The following SCHIP1 variants were observed in gnomAD, a reference collection of about 807,000 sequenced individuals.
SCHIP1 encodes schwannomin-interacting protein 1.
In SCHIP1, 8 loss-of-function variants were observed where a neutral mutation model predicts 29.7. The ratio of observed to expected loss-of-function variants is 0.27; its 90% CI spans 0.16 to 0.49. The LOEUF (loss-of-function observed/expected upper bound fraction) is 0.49, where lower values mean the gene tolerates loss of function less well. Ranked by LOEUF, SCHIP1 falls within the 20% of genes least tolerant of loss-of-function variation. SCHIP1 has a pLI of 0.99. For missense variants in SCHIP1, 193 were observed against 294.6 expected (o/e 0.66, Z 2.52); for synonymous variants, 76 against 94.9 (o/e 0.80, Z 1.16).
the SCHIP1 span, among the ~76,000 whole-genome samples, chr3:159,714,022 A>G: frequency 6.6e-6 from 1 of 152,166 alleles, no homozygotes; most frequent in South Asian, 2.1e-4. Flanking sequence ...GGATCACTTG[A>G]GGTCAGGAGT....
chr3:159,416,892 G>T, the SCHIP1 span, among the ~76,000 whole-genome samples: 1 of 152,152 alleles, frequency 6.6e-6, no homozygotes, highest in African/African-American at 2.4e-5. Context: ...TTTGTGTGTG[G>T]TTAGTTCTGT....
At chr3:159,736,853 G>A in the SCHIP1 span, among the ~76,000 whole-genome samples, 1 of 151,890 alleles carries the variant, frequency 6.6e-6, no homozygotes, top group Non-Finnish European at 1.5e-5. Flanking sequence ...TCCTGCCTCA[G>A]TCTCCTGAGT....
At chr3:159,764,081 G>A in the SCHIP1 span, 1 of 205,632 alleles carries the variant, frequency 4.9e-6, no homozygotes, top group Non-Finnish European at 9.7e-6. This position sits in a 1 kb window ranked among gnomAD's most constrained non-coding sequence, Gnocchi z 6.1. Flanking sequence ...CTGGGAAAGT[G>A]TCTGGTTCTC....
At chr3:159,404,522 G>A in the SCHIP1 span, among the ~76,000 whole-genome samples, 1 of 152,270 alleles carries the variant, frequency 6.6e-6, no homozygotes, top group East Asian at 1.9e-4. Flanking sequence ...GTGTGGGGTG[G>A]TGGTGGCCAT....
chr3:159,886,419 C>A, intron 3 of SCHIP1, 95 bp downstream of exon 4: 1 of 1,166,482 alleles, frequency 8.6e-7, no homozygotes, highest in South Asian at 1.5e-5. Context: ...ACAAACATTT[C>A]AGAGATTAAA....
chr3:159,440,085 G>T, the SCHIP1 span, among the ~76,000 whole-genome samples: 31 of 152,222 alleles, frequency 2.0e-4, no homozygotes, highest in East Asian at 5.8e-3. Context: ...TGCATATGGT[G>T]TAAGGAAGGG....
chr3:159,677,900 A>T, the SCHIP1 span, among the ~76,000 whole-genome samples: 1 of 152,164 alleles, frequency 6.6e-6, no homozygotes, highest in Admixed American at 6.5e-5. Flanking sequence ...CAGTGGTGCC[A>T]TCATAGCTCA....
chr3:159,511,342 C>T, the SCHIP1 span, among the ~76,000 whole-genome samples: 1 of 152,186 alleles, frequency 6.6e-6, no homozygotes, highest in African/African-American at 2.4e-5. Flanking sequence ...GTGGGAGTGA[C>T]CGGATTTTCC....
intron 1 of SCHIP1, among the ~76,000 whole-genome samples, chr3:159,850,108 G>A (rs1448198162): frequency 1.3e-5 from 2 of 152,200 alleles, no homozygotes; most frequent in Admixed American, 6.5e-5. Flanking sequence ...TGACATCAGT[G>A]AAGTAGCTTC....
the SCHIP1 span, among the ~76,000 whole-genome samples, chr3:159,736,676 C>T: frequency 6.6e-6 from 1 of 151,952 alleles, no homozygotes; most frequent in East Asian, 1.9e-4. Context: ...TGCATGCCTG[C>T]ACCGGGGCTG....
chr3:159,661,508 C>T, the SCHIP1 span, among the ~76,000 whole-genome samples: 10 of 152,156 alleles, frequency 6.6e-5, no homozygotes, highest in African/African-American at 1.9e-4. Flanking sequence ...CCACTAATAT[C>T]GTGCAACATA....
chr3:159,509,580 T>G, the SCHIP1 span, among the ~76,000 whole-genome samples: 1 of 152,350 alleles, frequency 6.6e-6, no homozygotes, highest in South Asian at 2.1e-4. Context: ...CTTTACAATT[T>G]GGCATGTTTT....
chr3:159,841,600 T>A (rs1181581638), intron 1 of SCHIP1, among the ~76,000 whole-genome samples: 1 of 152,220 alleles, frequency 6.6e-6, no homozygotes, highest in Non-Finnish European at 1.5e-5. Context: ...GGCAAACTAC[T>A]ATAAGATTAT....
At chr3:159,311,443 A>T in the SCHIP1 span, among the ~76,000 whole-genome samples, 39 of 152,276 alleles carry the variant, frequency 2.6e-4, no homozygotes, top group East Asian at 7.1e-3. Flanking sequence ...TGTGATCCAG[A>T]TCATTTTTCC....
At chr3:159,547,284 A>G in the SCHIP1 span, among the ~76,000 whole-genome samples, 23 of 151,702 alleles carry the variant, frequency 1.5e-4, no homozygotes, top group African/African-American at 3.6e-4. Flanking sequence ...CTTCTTGTAA[A>G]TTTAAGTTCC....
At chr3:159,626,085 C>CA in the SCHIP1 span, among the ~76,000 whole-genome samples, 79 of 112,822 alleles carry the variant, frequency 7.0e-4, no homozygotes, top group South Asian at 0.01. Context: ...TAGAGTGCAG[C>CA]TTATATAGAT....
chr3:159,504,718 A>G, the SCHIP1 span, among the ~76,000 whole-genome samples: 2 of 152,198 alleles, frequency 1.3e-5, no homozygotes, highest in African/African-American at 4.8e-5. Flanking sequence ...ATCAATATTC[A>G]TATTTTCAAC....
chr3:159,659,267 A>G, the SCHIP1 span, among the ~76,000 whole-genome samples: 1 of 152,098 alleles, frequency 6.6e-6, no homozygotes, highest in Non-Finnish European at 1.5e-5. Flanking sequence ...AGGACCCTTC[A>G]TGCTGTGGTG....
the SCHIP1 span, among the ~76,000 whole-genome samples, chr3:159,720,061 A>T: frequency 6.6e-6 from 1 of 152,186 alleles, no homozygotes; most frequent in South Asian, 2.1e-4. Flanking sequence ...ATAAAAAGTG[A>T]GTTCATGTCC....
Sources: gnomAD v4.1 joint callset for allele counts (sites outside exome capture counted in the v4.1 genomes callset) on GRCh38, gnomAD v4.1.1 for gene constraint, Gnocchi (gnomAD v3.1) non-coding constraint, MANE v1.5 for transcripts, NCBI Gene and HGNC (gene_info 2026-07-23, HGNC 2026-07-21) for gene names.